The following MTERF4 variants were observed in gnomAD, a reference collection of about 807,000 sequenced individuals.
MTERF4 encodes transcription termination factor 4, mitochondrial.
In MTERF4, 17 loss-of-function variants were observed where a neutral mutation model predicts 22.5. The ratio of observed to expected loss-of-function variants is 0.75; its 90% confidence interval spans 0.52 to 1.13. MTERF4 has a LOEUF of 1.13. Among genes scored for constraint, MTERF4 ranks in the 50% most tolerant of loss-of-function variants. The pLI, the probability that MTERF4 is intolerant of heterozygous loss-of-function variation, is 0.00. For synonymous variants in MTERF4, 165 were observed against 175.3 expected, an observed-to-expected ratio of 0.94 and a Z score of 0.47; for missense variants, 420 against 466.8, an observed-to-expected ratio of 0.90 and a Z score of 0.92.
chr2:241,092,509 C>T (rs2064096502), downstream of MTERF4: 1 of 152,118 alleles, frequency 6.6e-6, no homozygotes, highest in Non-Finnish European at 1.5e-5. This position sits in a 1 kb window ranked among gnomAD's most constrained non-coding sequence, Gnocchi z 4.6. Flanking sequence ...CAGCCTTAAA[C>T]AGTGGAAGCC....
At position 241,099,603 on chromosome 2, in the gene MTERF4, T is replaced by C; in HGVS notation, c.313A>G (p.Ser105Gly). 6.2e-7 allele frequency: 1 copy of C among 1,614,228 alleles called. No individual in the cohort carries two copies. Among genetic ancestry groups the C allele is most frequent in the Non-Finnish European group, 8.5e-7 (1 of 1,180,046 alleles). ...AGCAATTCATTAATATGGGCATTGC[T>C]GAAACCCATGTCCAGGAGGGAACTC... ...VMSSLLDMGF[S>G]NAHINELLSV... is the part of the protein sequence containing the mutation. The change falls in exon 2 of 4, where the codon AGC becomes GGC. Residue 105 changes from serine to glycine, a missense_variant. Coordinates refer to ENST00000391980, the MANE Select transcript of MTERF4 (RefSeq NM_182501.4).
chr2:241,052,033 G>A, the MTERF4 span: 4 of 1,611,966 alleles, frequency 2.5e-6, no homozygotes, highest in African/African-American at 5.3e-5. Flanking sequence ...CCTGGCTTCT[G>A]TTTCCAGGGA....
downstream of MTERF4, among the ~76,000 whole-genome samples, chr2:241,067,563 G>A (rs562008526): frequency 2.1e-4 from 32 of 152,262 alleles, no homozygotes; most frequent in African/African-American, 7.2e-4. Flanking sequence ...TGCTCACAGC[G>A]GGTTCTGCAG....
downstream of MTERF4, chr2:241,093,555 A>G (rs2064186580): frequency 7.6e-6 from 1 of 131,992 alleles, no homozygotes; most frequent in Non-Finnish European, 1.5e-5. Flanking sequence ...CCTTGTGTCA[A>G]CAAGAACTGG....
the MTERF4 span, among the ~76,000 whole-genome samples, chr2:241,059,559 A>G: frequency 6.6e-6 from 1 of 152,372 alleles, no homozygotes; most frequent in African/African-American, 2.4e-5. Context: ...AGTCAAGCTC[A>G]GTACTATATA....
At chr2:241,074,093 A>G (rs1233372812) in exon 5 of MTERF4, 3 of 152,250 alleles carry the variant, frequency 2.0e-5, no homozygotes, top group Non-Finnish European at 4.4e-5. Flanking sequence ...GAGTCATACC[A>G]TAGACTCAGA....
the MTERF4 span, chr2:241,051,771 C>T: frequency 6.5e-7 from 1 of 1,544,502 alleles, no homozygotes; most frequent in Non-Finnish European, 8.7e-7. The surrounding 1 kb of genome is among the most constrained non-coding windows in gnomAD (Gnocchi z 4.7). Context: ...AGCTCAGGGC[C>T]CTGCCGGAAC....
At chr2:241,099,209 G>A (rs1449294188) in intron 2 of MTERF4, 187 bp downstream of exon 2, 1 of 617,602 alleles carries the variant, frequency 1.6e-6, no homozygotes, top group East Asian at 3.0e-5. Flanking sequence ...CAAGTAGCTG[G>A]AATTACAGGT....
At chr2:241,077,375 C>T (rs1187750614) in intron 4 of MTERF4, among the ~76,000 whole-genome samples, 1 of 152,130 alleles carries the variant, frequency 6.6e-6, no homozygotes. Flanking sequence ...GGTCCTTAGG[C>T]TCAACAATAA....
At chr2:241,061,122 C>T in the MTERF4 span, among the ~76,000 whole-genome samples, 2 of 151,912 alleles carry the variant, frequency 1.3e-5, no homozygotes, top group African/African-American at 4.8e-5. Flanking sequence ...AAACTACAAA[C>T]TGGGAGAAGA....
At chr2:241,068,791 A>G (rs2062578140), downstream of MTERF4, 1 of 680,918 alleles carries the variant, frequency 1.5e-6, no homozygotes, top group Non-Finnish European at 2.5e-6. This position sits in a 1 kb window ranked among gnomAD's most constrained non-coding sequence, Gnocchi z 5.3. Context: ...TGCCTGGGCC[A>G]CCAGCAGCAG....
At chr2:241,067,775 G>C (rs1382563746), downstream of MTERF4, 1 of 1,608,228 alleles carries the variant, frequency 6.2e-7, no homozygotes, top group Admixed American at 1.7e-5. Flanking sequence ...ACCCCGCCCT[G>C]TGGAAGGCTT....
At chr2:241,064,995 G>T in the MTERF4 span, 2 of 1,476,670 alleles carry the variant, frequency 1.4e-6, no homozygotes, top group Non-Finnish European at 9.1e-7. The surrounding 1 kb of genome is among the most constrained non-coding windows in gnomAD (Gnocchi z 7.0). Context: ...GGAGCCACGA[G>T]GGGGTCCCCT....
At chr2:241,094,233 T>C (rs1364732308), downstream of MTERF4, 2 of 461,440 alleles carry the variant, frequency 4.3e-6, no homozygotes, top group Non-Finnish European at 9.0e-6. This position sits in a 1 kb window ranked among gnomAD's most constrained non-coding sequence, Gnocchi z 4.3. Flanking sequence ...TGTCCTCCAG[T>C]AGAGAACCCA....
At chr2:241,049,423 T>C in the MTERF4 span, among the ~76,000 whole-genome samples, 6 of 152,248 alleles carry the variant, frequency 3.9e-5, no homozygotes, top group African/African-American at 1.4e-4. Flanking sequence ...ATTTAATGCA[T>C]ACATAATTAG....
At chr2:241,074,291 C>G (rs1423437767) in exon 5 of MTERF4, 1 of 152,116 alleles carries the variant, frequency 6.6e-6, no homozygotes, top group African/African-American at 2.4e-5. Context: ...TCACCATCCC[C>G]CCCCCGCCCT....
chr2:241,063,818 A>T, the MTERF4 span: 2 of 686,768 alleles, frequency 2.9e-6, no homozygotes, highest in Non-Finnish European at 4.5e-6. Flanking sequence ...AGGGACCCCC[A>T]GGGCTGCGGC....
rs267599294 is a variant in MTERF4 at position 241,096,218 on chromosome 2, G to A, written c.926C>T (p.Ser309Phe). 1.9e-6 allele frequency: 3 copies of A among 1,614,046 alleles called. No homozygotes were observed. The highest frequency in any genetic ancestry group is 1.3e-5 in the African/African-American group (1 of 74,904). ...AEFLARTACTSVEEFQVFKKL... is the reference protein window; with the variant it reads ...AEFLARTACTFVEEFQVFKKL... ...CTTAAAAACTTGAAACTCCTCAACA[G>A]AAGTACAGGCTGTCCTGGCCAAAAA... Residue 309 changes from serine to phenylalanine, a missense_variant, in exon 4 of 4, where the codon TCT becomes TTT. Transcript: ENST00000391980. The surrounding 1 kb of genome is among the most constrained non-coding windows in gnomAD (Gnocchi z 5.1).
chr2:241,079,634 CAAA>C (rs1021160293), intron 4 of MTERF4, among the ~76,000 whole-genome samples: 1 of 150,620 alleles, frequency 6.6e-6, no homozygotes, highest in African/African-American at 2.4e-5. Flanking sequence ...ACTTTAGAAC[CAAA>C]AAAAAGGTTT....
Sources: allele counts gnomAD v4.1 joint callset (sites outside exome capture counted in the v4.1 genomes callset), GRCh38; gene constraint gnomAD v4.1.1; non-coding constraint Gnocchi (gnomAD v3.1); transcripts MANE v1.5; gene names NCBI Gene and HGNC (gene_info 2026-07-23, HGNC 2026-07-21).